The following SRPK2 variants were observed in gnomAD, a reference collection of about 807,000 sequenced individuals.
SRPK2 encodes the protein SFRS protein kinase 2.
SRPK2 carries 21 observed loss-of-function variants against 90.8 expected under a neutral mutation model. The observed-to-expected ratio is 0.23, with a 90% CI of 0.16 to 0.33. SRPK2 has a LOEUF of 0.33. Ranked by LOEUF, SRPK2 falls within the 10% of genes least tolerant of loss-of-function variation. SRPK2 has a pLI of 1.00. For synonymous variants in SRPK2, 288 were observed against 311.1 expected (o/e 0.93, Z 0.78); for missense variants, 620 against 869.0 (o/e 0.71, Z 3.60).
At position 105,118,052 on chromosome 7, in the gene SRPK2, G is replaced by A. The variant is rs372344230; in HGVS notation, c.1916-30C>T. The A allele has an allele frequency of 3.4e-5, 55 of 1,606,036 alleles. No homozygotes were observed. In the African/African-American group the frequency reaches 6.6e-4, roughly 19 times the overall value. ...AGGGGAAAAAACAGGCCAATGTCAA[G>A]AAAGCTCCAAATCTGCATTCCCCAT... On this transcript the variant is annotated intron_variant, in intron 15 of 15. Transcript: ENST00000393651.
intron 2 of SRPK2, among the ~76,000 whole-genome samples, chr7:105,220,590 A>T (rs989847121): frequency 6.6e-6 from 1 of 152,226 alleles, no homozygotes; most frequent in Non-Finnish European, 1.5e-5. Context: ...AAGAACTAAC[A>T]TTAAGAAAAA....
At chr7:105,366,296 C>T (rs1254625222) in intron 2 of SRPK2, among the ~76,000 whole-genome samples, 1 of 151,680 alleles carries the variant, frequency 6.6e-6, no homozygotes, top group African/African-American at 2.4e-5. Flanking sequence ...TAGATCCTTC[C>T]TCTTTTGCTT....
chr7:105,328,753 T>A (rs1813906083), intron 2 of SRPK2, among the ~76,000 whole-genome samples: 1 of 150,526 alleles, frequency 6.6e-6, no homozygotes, highest in African/African-American at 2.5e-5. Flanking sequence ...TAGTCCCAGC[T>A]ACTCAGGAGG....
chr7:105,349,429 G>C (rs1396025370), intron 2 of SRPK2, among the ~76,000 whole-genome samples: 1 of 148,778 alleles, frequency 6.7e-6, no homozygotes, highest in Non-Finnish European at 1.5e-5. Flanking sequence ...GGCTGAGGCA[G>C]GAAAATCGCT....
upstream of SRPK2, chr7:105,389,173 G>C (rs1822049544): frequency 9.5e-7 from 1 of 1,057,990 alleles, no homozygotes; most frequent in African/African-American, 1.8e-5. Flanking sequence ...GGCTGGCCCA[G>C]GCCGCCCGCC....
chr7:105,303,440 T>C (rs1585624772), intron 2 of SRPK2, among the ~76,000 whole-genome samples: 2 of 151,862 alleles, frequency 1.3e-5, no homozygotes. Flanking sequence ...TGTGCACATG[T>C]ACCCTAGAAC....
Position 105,196,308 on chromosome 7 carries a change from A to G in SRPK2, c.229+7320T>C, listed in dbSNP as rs541852484. Among the ~76,000 whole-genome samples the G allele has an allele frequency of 3.3e-5, 5 of 152,244 alleles. No individual in the cohort carries two copies. In the South Asian group the frequency reaches 1.0e-3, roughly 31 times the overall value. ...TGTGCAGCATTAATGATTTTAAGTA[A>G]AAGAACTGTGAATAAAGAAAGGTTA... On this transcript the variant is annotated intron_variant, in intron 3 of 15. Coordinates refer to ENST00000393651, the MANE Select transcript of SRPK2 (RefSeq NM_182692.3).
intron 3 of SRPK2, among the ~76,000 whole-genome samples, chr7:105,181,379 G>C (rs1792778455): frequency 6.6e-6 from 1 of 152,140 alleles, no homozygotes; most frequent in Non-Finnish European, 1.5e-5. Context: ...ACACCGAAAG[G>C]AATATAAACT....
intron 2 of SRPK2, among the ~76,000 whole-genome samples, chr7:105,219,484 A>T (rs1207548312): frequency 6.6e-6 from 1 of 152,098 alleles, no homozygotes; most frequent in African/African-American, 2.4e-5. Context: ...CTTCAAGAAG[A>T]CTTATGTTTT....
At chr7:105,335,290 C>G (rs115214725) in intron 2 of SRPK2, among the ~76,000 whole-genome samples, 1 of 152,094 alleles carries the variant, frequency 6.6e-6, no homozygotes, top group African/African-American at 2.4e-5. Flanking sequence ...ATAAAGCAAA[C>G]AATTGCATTA....
At chr7:105,312,051 CATGG>C (rs1304611719) in intron 2 of SRPK2, among the ~76,000 whole-genome samples, 1 of 152,266 alleles carries the variant, frequency 6.6e-6, no homozygotes, top group African/African-American at 2.4e-5. Context: ...AATGCTACAA[CATGG>C]ATGGACACTG....
At chr7:105,195,247 C>T (rs1794776653) in intron 3 of SRPK2, among the ~76,000 whole-genome samples, 2 of 151,896 alleles carry the variant, frequency 1.3e-5, no homozygotes, top group South Asian at 2.1e-4. Flanking sequence ...GACAGGGCTT[C>T]GATATGTTGG....
At chr7:105,378,635 C>T (rs1252802716) in intron 2 of SRPK2, among the ~76,000 whole-genome samples, 3 of 151,870 alleles carry the variant, frequency 2.0e-5, no homozygotes, top group African/African-American at 4.8e-5. Context: ...CGGTGGCACA[C>T]ACCTGTAGTC....
intron 2 of SRPK2, among the ~76,000 whole-genome samples, chr7:105,360,482 A>G (rs1435665756): frequency 6.6e-6 from 1 of 152,180 alleles, no homozygotes; most frequent in African/African-American, 2.4e-5. Flanking sequence ...GATGGTCTTT[A>G]CAATTTTTTT....
At chr7:105,188,049 C>CA (rs1409414782) in intron 3 of SRPK2, among the ~76,000 whole-genome samples, 1 of 152,024 alleles carries the variant, frequency 6.6e-6, no homozygotes, top group Non-Finnish European at 1.5e-5. Context: ...GAAATGAAAA[C>CA]AAATGTACAC....
chr7:105,241,323 G>A (rs543718319), intron 2 of SRPK2, among the ~76,000 whole-genome samples: 2 of 152,228 alleles, frequency 1.3e-5, no homozygotes, highest in Admixed American at 1.3e-4. Flanking sequence ...GCATTATAGA[G>A]AAACTGGACT....
intron 2 of SRPK2, among the ~76,000 whole-genome samples, chr7:105,292,555 A>G (rs1010134412): frequency 4.0e-5 from 6 of 150,358 alleles, no homozygotes; most frequent in African/African-American, 1.5e-4. Context: ...GGCTAACTCC[A>G]GGCTTTTCCT....
At chr7:105,177,396 T>C (rs1207010549) in intron 3 of SRPK2, among the ~76,000 whole-genome samples, 1 of 152,206 alleles carries the variant, frequency 6.6e-6, no homozygotes. Context: ...CACAAAGGAC[T>C]GCAAGAAAAT....
intron 11 of SRPK2, among the ~76,000 whole-genome samples, chr7:105,135,862 T>C (rs1802730514): frequency 6.6e-6 from 1 of 151,868 alleles, no homozygotes; most frequent in South Asian, 2.1e-4. Context: ...CCTCCTAGAT[T>C]CAAGCAATTC....
Sources: allele counts gnomAD v4.1 joint callset (sites outside exome capture counted in the v4.1 genomes callset), GRCh38; gene constraint gnomAD v4.1.1; transcripts MANE v1.5; gene names NCBI Gene and HGNC (gene_info 2026-07-23, HGNC 2026-07-21).